Variants in UAP1 observed in about 807,000 individuals in gnomAD.
UAP1 encodes the protein UDP-N-acetylhexosamine pyrophosphorylase.
Under a neutral mutation model 58.5 loss-of-function variants are expected in UAP1, and 25 were observed. The ratio of observed to expected loss-of-function variants is 0.43; its 90% CI spans 0.31 to 0.60. UAP1 has a LOEUF of 0.60. Ranked by LOEUF, UAP1 falls within the 20% of genes least tolerant of loss-of-function variation. The pLI is 0.11. For missense variants in UAP1, 575 were observed against 630.0 expected (o/e 0.91, Z 0.93); for synonymous variants, 208 against 213.0 (o/e 0.98, Z 0.21).
At chr1:162,595,378 C>T (rs1271585610) in intron 9 of UAP1, among the ~76,000 whole-genome samples, 1 of 152,144 alleles carries the variant, frequency 6.6e-6, no homozygotes, top group Non-Finnish European at 1.5e-5. Flanking sequence ...GGGCTATATA[C>T]ATCTTAATGG....
rs1187790897 is a variant in UAP1 at position 162,592,713 on chromosome 1, C to G, written c.1359-19C>G. 1 of 1,536,590 alleles carries G rather than the reference C, an allele frequency of 6.5e-7. No homozygotes were observed. Among genetic ancestry groups the G allele is most frequent in the African/African-American group, 1.4e-5 (1 of 72,808 alleles). ...TGATTTGCTTCCATTCCCATTAATCCTTATTTATTCCCACATAGCAGTGCT... is the reference window on the plus strand; with the variant it reads ...TGATTTGCTTCCATTCCCATTAATCGTTATTTATTCCCACATAGCAGTGCT... On this transcript the variant is annotated intron_variant, in intron 8 of 10. Transcript: ENST00000271469.
intron 5 of UAP1, among the ~76,000 whole-genome samples, chr1:162,586,563 G>A (rs1654914484): frequency 1.3e-5 from 2 of 152,004 alleles, no homozygotes; most frequent in Admixed American, 1.3e-4. Flanking sequence ...TTTATTGTTT[G>A]TTTCTTCGGT....
At chr1:162,572,418 C>T (rs909621562) in intron 2 of UAP1, among the ~76,000 whole-genome samples, 3 of 152,128 alleles carry the variant, frequency 2.0e-5, no homozygotes, top group Non-Finnish European at 4.4e-5. Context: ...ATGTTGAATG[C>T]CATCAGGTGA....
At chr1:162,564,480 T>C (rs191288704) in intron 1 of UAP1, among the ~76,000 whole-genome samples, 3 of 152,352 alleles carry the variant, frequency 2.0e-5, no homozygotes, top group East Asian at 1.9e-4. Context: ...GAAGCAATTA[T>C]AATGCAGTGA....
rs745904306 is a variant in UAP1, at chr1:162,587,522, A to G, written c.882A>G (p.Arg294=). Residue 294 remains arginine (R), a synonymous_variant, in exon 6 of 11, where the codon CGA becomes CGG. Coordinates refer to ENST00000271469, the Ensembl canonical transcript of UAP1. Reference sequence around the variant, plus strand: ...CAGAACCAGTTGGAGTGGTTTGCCGAGTGGATGGAGTTTACCAGGTGGTAG... The same window carrying G: ...CAGAACCAGTTGGAGTGGTTTGCCGGGTGGATGGAGTTTACCAGGTGGTAG... 13 of 1,613,834 alleles carry G rather than the reference A, an allele frequency of 8.1e-6. No individual in the cohort carries two copies. In the East Asian group the frequency reaches 2.9e-4, roughly 36 times the overall value.
chr1:162,590,027 G>T (rs79960229), intron 7 of UAP1, among the ~76,000 whole-genome samples: 1 of 118,794 alleles, frequency 8.4e-6, no homozygotes, highest in Admixed American at 9.7e-5. Context: ...CATTTTTTTT[G>T]CCTGTTTTTT....
At chr1:162,600,117 C>T (rs1571103629), downstream of UAP1, among the ~76,000 whole-genome samples, 1 of 152,202 alleles carries the variant, frequency 6.6e-6, no homozygotes, top group African/African-American at 2.4e-5. Flanking sequence ...CCACTGGCAT[C>T]TAATAGGGAT....
intron 2 of UAP1, among the ~76,000 whole-genome samples, chr1:162,574,093 C>CTTTTTTTTTTT (rs1204675147): frequency 7.4e-6 from 1 of 134,914 alleles, no homozygotes; most frequent in Non-Finnish European, 1.6e-5. Flanking sequence ...CTTTTCTTTT[C>CTTTTTTTTTTT]TTTTTTTTTT....
intron 1 of UAP1, among the ~76,000 whole-genome samples, chr1:162,564,961 C>T (rs747925361): frequency 9.2e-5 from 14 of 152,212 alleles, no homozygotes; most frequent in African/African-American, 2.4e-4. Context: ...CTCGACCTTC[C>T]GAATTCAGGT....
At chr1:162,568,863 C>T (rs975989462) in intron 2 of UAP1, among the ~76,000 whole-genome samples, 5 of 152,140 alleles carry the variant, frequency 3.3e-5, no homozygotes, top group African/African-American at 1.2e-4. Context: ...GGAACATAAG[C>T]CACAATTAAG....
chr1:162,565,466 G>A (rs771199047), intron 1 of UAP1, among the ~76,000 whole-genome samples: 2 of 152,180 alleles, frequency 1.3e-5, no homozygotes, highest in Non-Finnish European at 2.9e-5. Context: ...AGTTGCTAAT[G>A]AAATGAAATG....
intron 1 of UAP1, 145 bp from the exon 2 acceptor site, chr1:162,565,867 G>T: frequency 1.7e-6 from 1 of 581,376 alleles, no homozygotes; most frequent in Non-Finnish European, 3.0e-6. Context: ...TTACAGGTTT[G>T]ATCTCTTACA....
intron 2 of UAP1, among the ~76,000 whole-genome samples, chr1:162,570,902 G>A (rs1447028433): frequency 6.6e-6 from 1 of 152,142 alleles, no homozygotes; most frequent in East Asian, 1.9e-4. Context: ...TTGTTAAAGT[G>A]TATAGGAGGA....
intron 9 of UAP1, 134 bp from the exon 10 acceptor site, chr1:162,597,658 G>A (rs1301956582): frequency 1.4e-5 from 9 of 665,064 alleles, no homozygotes; most frequent in East Asian, 2.6e-5. Flanking sequence ...GATCATCAGG[G>A]TAGCATCTAT....
chr1:162,562,525 A>G (rs1653217294), intron 1 of UAP1: 1 of 151,940 alleles, frequency 6.6e-6, no homozygotes, highest in Non-Finnish European at 1.5e-5. Flanking sequence ...TGGCTGCTTG[A>G]ACTTTGGCCT....
chr1:162,594,835 A>G (rs1384876350), intron 9 of UAP1, among the ~76,000 whole-genome samples: 1 of 152,226 alleles, frequency 6.6e-6, no homozygotes, highest in Non-Finnish European at 1.5e-5. Flanking sequence ...TAGAATAATT[A>G]AAGTGAAATC....
intron 2 of UAP1, among the ~76,000 whole-genome samples, chr1:162,575,364 C>T (rs1396260834): frequency 3.3e-5 from 5 of 152,154 alleles, no homozygotes; most frequent in African/African-American, 9.7e-5. Context: ...CCACTGTGCC[C>T]AGCCTACAAA....
At chr1:162,587,774 T>TC in intron 6 of UAP1, 106 bp downstream of exon 6, 1 of 1,113,630 alleles carries the variant, frequency 9.0e-7, no homozygotes, top group South Asian at 1.7e-5. Context: ...ACAGAATTCA[T>TC]CTTTCCTGAG....
chr1:162,578,792 C>CT (rs1264692413), intron 3 of UAP1, among the ~76,000 whole-genome samples: 2 of 152,150 alleles, frequency 1.3e-5, no homozygotes, highest in Non-Finnish European at 2.9e-5. Context: ...AATTGAGTGT[C>CT]TTTTTCTAGG....
Sources: gnomAD v4.1 joint callset for allele counts (sites outside exome capture counted in the v4.1 genomes callset) on GRCh38, gnomAD v4.1.1 for gene constraint, MANE v1.5 for transcripts, NCBI Gene and HGNC (gene_info 2026-07-23, HGNC 2026-07-21) for gene names.